The following TEX2 variants were observed in gnomAD, a reference collection of about 807,000 sequenced individuals.
TEX2 encodes testis-expressed protein 2.
A neutral mutation model predicts 106.9 loss-of-function variants in TEX2; 53 were observed. The observed-to-expected ratio is 0.50, with a 90% CI of 0.40 to 0.62. The LOEUF (loss-of-function observed/expected upper bound fraction) is 0.62. TEX2 is among the 20% of genes least tolerant of loss of function. TEX2 has a pLI of 0.00. For missense variants in TEX2, 1,207 were observed against 1,379.0 expected, an observed-to-expected ratio of 0.88 and a Z score of 1.98; for synonymous variants, 523 against 534.8, an observed-to-expected ratio of 0.98 and a Z score of 0.30.
intron 3 of TEX2, among the ~76,000 whole-genome samples, chr17:64,194,116 G>A (rs1475470154): frequency 6.6e-6 from 1 of 152,076 alleles, no homozygotes; most frequent in Non-Finnish European, 1.5e-5. Context: ...ATAATTTTGC[G>A]AGAGTTATAA....
Position 64,149,106 on chromosome 17 carries a change from TA to T in TEX2, c.3262-16del, listed in dbSNP as rs758859489. On this transcript the variant is annotated splice_polypyrimidine_tract_variant and intron_variant, in intron 11 of 11. Coordinates refer to ENST00000584379, the MANE Select transcript of TEX2 (RefSeq NM_001288732.2). ...ACAAAAACTTTCTGTAGGAAGATAT[TA>T]AAGAACAGCTATGTGGAAGAATGCC... 8 of 1,613,276 alleles carry T rather than the reference TA, an allele frequency of 5.0e-6. No individual in the cohort carries two copies. In the South Asian group the frequency reaches 8.8e-5, roughly 18 times the overall value.
intron 1 of TEX2, among the ~76,000 whole-genome samples, chr17:64,243,876 T>C (rs1555636025): frequency 6.7e-6 from 1 of 150,220 alleles, no homozygotes; most frequent in East Asian, 2.0e-4. Context: ...TGGTGGGATC[T>C]CGGCTCACTA....
intron 1 of TEX2, among the ~76,000 whole-genome samples, chr17:64,237,444 T>C (rs2033795013): frequency 6.6e-6 from 1 of 151,972 alleles, no homozygotes; most frequent in South Asian, 2.1e-4. Context: ...GGTGACCAGA[T>C]GCGTATTTTG....
intron 7 of TEX2, among the ~76,000 whole-genome samples, chr17:64,166,627 A>G (rs571159238): frequency 4.6e-5 from 7 of 152,372 alleles, no homozygotes; most frequent in Middle Eastern, 3.4e-3. Flanking sequence ...ATTTTTAGCC[A>G]TAAGAAAAAA....
At chr17:64,219,072 A>C (rs2033276053) in intron 1 of TEX2, among the ~76,000 whole-genome samples, 1 of 152,142 alleles carries the variant, frequency 6.6e-6, no homozygotes, top group Admixed American at 6.6e-5. Flanking sequence ...TAAGCACATA[A>C]CCAAAGGTAA....
At chr17:64,162,014 T>G (rs2030910415) in intron 7 of TEX2, among the ~76,000 whole-genome samples, 1 of 152,184 alleles carries the variant, frequency 6.6e-6, no homozygotes, top group Admixed American at 6.5e-5. Flanking sequence ...CACCCAGCAC[T>G]AATGGTGTCA....
intron 1 of TEX2, chr17:64,239,172 G>A (rs765710651): frequency 1.3e-5 from 2 of 152,194 alleles, no homozygotes; most frequent in Non-Finnish European, 2.9e-5. Flanking sequence ...CCCAAGACAG[G>A]AAAGGGACGA....
At chr17:64,179,518 G>A (rs2031759978) in intron 5 of TEX2, among the ~76,000 whole-genome samples, 3 of 152,112 alleles carry the variant, frequency 2.0e-5, no homozygotes, top group South Asian at 2.1e-4. Context: ...CTTTGGGTCC[G>A]TGCCACCTTT....
chr17:64,230,346 G>A (rs565934175), intron 1 of TEX2, among the ~76,000 whole-genome samples: 16 of 152,276 alleles, frequency 1.1e-4, no homozygotes, highest in Non-Finnish European at 1.6e-4. Context: ...AAGGAATAGA[G>A]GCAAGAAACC....
chr17:64,171,648 A>G (rs1451477587), intron 6 of TEX2, among the ~76,000 whole-genome samples: 2 of 152,050 alleles, frequency 1.3e-5, no homozygotes, highest in Admixed American at 1.3e-4. Context: ...GTATGGGAAA[A>G]CAGACCTCTC....
At chr17:64,236,223 T>C (rs782281884) in intron 1 of TEX2, among the ~76,000 whole-genome samples, 1 of 152,136 alleles carries the variant, frequency 6.6e-6, no homozygotes, top group Non-Finnish European at 1.5e-5. Flanking sequence ...ATATAACAGC[T>C]ATTTACATAG....
chr17:64,246,577 C>A (rs769103323), intron 1 of TEX2, among the ~76,000 whole-genome samples: 29 of 152,084 alleles, frequency 1.9e-4, no homozygotes, highest in Non-Finnish European at 3.7e-4. Flanking sequence ...GGGCTGCCCC[C>A]TAGAAGAATG....
intron 1 of TEX2, among the ~76,000 whole-genome samples, chr17:64,236,483 G>C (rs2143361422): frequency 6.6e-6 from 1 of 152,218 alleles, no homozygotes; most frequent in Admixed American, 6.5e-5. Context: ...AGGATCACCT[G>C]AGCCCAGGTT....
rs1405954144 is a variant in TEX2 at position 64,160,896 on chromosome 17, G to A, written c.2709C>T (p.Ser903=). The A allele has an allele frequency of 2.5e-6, 4 of 1,614,068 alleles. No individual in the cohort carries two copies. The highest frequency in any genetic ancestry group is 3.4e-6 in the Non-Finnish European group (4 of 1,179,994). The change falls in exon 8 of 12, where the codon TCC becomes TCT. Residue 903 remains serine (S), a synonymous_variant. Transcript: ENST00000584379. ...TTTTGGTCTCGAGAGTCATCAGAAA[G>A]GACCCATTGTAGGACATTTCCAAAT... ...WIDLEMSYNG[S]FLMTLETKMN... is the part of the protein sequence containing the mutation.
At chr17:64,164,070 G>T (rs964142245) in intron 7 of TEX2, among the ~76,000 whole-genome samples, 2 of 152,240 alleles carry the variant, frequency 1.3e-5, no homozygotes, top group Non-Finnish European at 2.9e-5. Flanking sequence ...CATACGAAGG[G>T]TCTATTCCAC....
At chr17:64,214,963 A>G (rs2033140769) in intron 1 of TEX2, among the ~76,000 whole-genome samples, 1 of 152,236 alleles carries the variant, frequency 6.6e-6, no homozygotes, top group South Asian at 2.1e-4. Context: ...ACTGAATGCA[A>G]GATTCATGTG....
At chr17:64,150,819 C>G (rs374144938) in intron 11 of TEX2, 22 bp downstream of exon 11, 3 of 1,603,854 alleles carry the variant, frequency 1.9e-6, no homozygotes, top group Non-Finnish European at 2.6e-6. Context: ...GTGTGAAATA[C>G]TAGATAACAC....
Position 64,147,754 on chromosome 17 carries a change from C to T in TEX2, c.*1215G>A, listed in dbSNP as rs1445749513. ...AAACATGTTTTCAATATATTAATTTCTTTAAAGTCATGTTCAGGCAAGGTG... is the reference window on the plus strand; with the variant it reads ...AAACATGTTTTCAATATATTAATTTTTTTAAAGTCATGTTCAGGCAAGGTG... On this transcript the variant is annotated 3_prime_UTR_variant, in exon 12 of 12. Coordinates refer to ENST00000584379, the MANE Select transcript of TEX2 (RefSeq NM_001288732.2). 1 of 152,588 alleles carries T rather than the reference C, an allele frequency of 6.6e-6. No homozygotes were observed. The highest frequency in any genetic ancestry group is 2.4e-5 in the African/African-American group (1 of 41,426). The allele number at this position is 152,588 out of a possible 1,614,324, so 9.5% of individuals were successfully genotyped here.
chr17:64,211,529 A>G (rs1203788040), intron 2 of TEX2, among the ~76,000 whole-genome samples: 1 of 152,244 alleles, frequency 6.6e-6, no homozygotes, highest in Non-Finnish European at 1.5e-5. Flanking sequence ...TCCAACAGTA[A>G]AAAAGATACA....
Sources: allele counts gnomAD v4.1 joint callset (sites outside exome capture counted in the v4.1 genomes callset), GRCh38; gene constraint gnomAD v4.1.1; transcripts MANE v1.5; gene names NCBI Gene and HGNC (gene_info 2026-07-23, HGNC 2026-07-21).